Variants in PCGF6 observed in about 807,000 individuals in gnomAD.
PCGF6 encodes polycomb group ring finger 6.
Under a neutral mutation model 45.5 loss-of-function variants are expected in PCGF6, and 24 were observed. The ratio of observed to expected loss-of-function variants is 0.53; its 90% confidence interval spans 0.38 to 0.74. The LOEUF is 0.74. Among genes scored for constraint, PCGF6 ranks in the 30% least tolerant of loss-of-function variants. The probability of loss-of-function intolerance (pLI) is 0.00; values close to 1 mark genes in which losing one functional copy is unlikely to be tolerated. For synonymous variants in PCGF6, 152 were observed against 162.1 expected (o/e 0.94, Z 0.47); for missense variants, 356 against 443.2 (o/e 0.80, Z 1.77).
At chr10:103,344,927 G>C in intron 6 of PCGF6, 97 bp downstream of exon 6, 3 of 761,934 alleles carry the variant, frequency 3.9e-6, no homozygotes, top group Admixed American at 5.3e-5. Flanking sequence ...TTTCCAAGGG[G>C]ATGTCAGAAA....
intron 1 of PCGF6, among the ~76,000 whole-genome samples, chr10:103,349,425 G>A (rs930409658): frequency 3.3e-5 from 5 of 149,820 alleles, no homozygotes; most frequent in Non-Finnish European, 7.4e-5. Flanking sequence ...CCCATTAAAA[G>A]ACTACTGAAA....
At chr10:103,320,255 A>G (rs775008047) in intron 8 of PCGF6, among the ~76,000 whole-genome samples, 1 of 152,210 alleles carries the variant, frequency 6.6e-6, no homozygotes, top group Non-Finnish European at 1.5e-5. Context: ...CAAACAAAGC[A>G]AAATACAATA....
chr10:103,331,921 T>A (rs2093241378), intron 7 of PCGF6, among the ~76,000 whole-genome samples: 2 of 152,084 alleles, frequency 1.3e-5, no homozygotes, highest in African/African-American at 4.8e-5. Flanking sequence ...GCCTCCCGGG[T>A]AGCTGGGACA....
chr10:103,309,534 A>G (rs1388239077), intron 9 of PCGF6, among the ~76,000 whole-genome samples: 1 of 152,180 alleles, frequency 6.6e-6, no homozygotes, highest in Non-Finnish European at 1.5e-5. Context: ...GAGACAATTA[A>G]ATCTGTTTTA....
chr10:103,323,858 T>C (rs1278722630), intron 8 of PCGF6, among the ~76,000 whole-genome samples: 2 of 152,196 alleles, frequency 1.3e-5, no homozygotes, highest in African/African-American at 4.8e-5. Flanking sequence ...GTGCTGGGAT[T>C]ACAGGCATGA....
intron 7 of PCGF6, among the ~76,000 whole-genome samples, chr10:103,331,116 G>A (rs2093238675): frequency 6.6e-6 from 1 of 152,056 alleles, no homozygotes; most frequent in African/African-American, 2.4e-5. Flanking sequence ...TTAGCATCAT[G>A]TTTTCAATGT....
rs753776566 is a variant in PCGF6 at position 103,314,248 on chromosome 10, G to A, written c.934C>T (p.Leu312=). The change falls in exon 9 of 10, where the codon CTG becomes TTG. Residue 312 remains leucine, a synonymous_variant. Coordinates refer to ENST00000369847, the MANE Select transcript of PCGF6 (RefSeq NM_001011663.2). The stretch of plus-strand genomic sequence containing the variant: ...CTTAGAGTTTGATACTGCTCCAACA[G>A]GTGATCACCACAGATTATATCTACC... ...CQVDIICGDH[L]LEQYQTLREI... is the part of the protein sequence containing the mutation. The A allele has an allele frequency of 6.9e-6, 11 of 1,599,026 alleles. No homozygotes were observed. The Admixed American group carries it at 1.0e-4, about 15-fold the overall frequency.
In PCGF6 at chr10:103,333,909, A is replaced by G; in HGVS notation, c.810+16T>C. 1 of 1,555,436 alleles carries G rather than the reference A, an allele frequency of 6.4e-7. No homozygotes were observed. Among genetic ancestry groups the G allele is most frequent in the South Asian group, 1.2e-5 (1 of 80,522 alleles). ...AGAGTCCTCTTGTGAAATGAATGAA[A>G]AAAAAAGTAAAATACCTTAAAATGT... On this transcript the variant is annotated intron_variant, in intron 7 of 9. Transcript: ENST00000369847.
At position 103,348,978 on chromosome 10, in the gene PCGF6, G is replaced by A; in HGVS notation, c.382C>T (p.Leu128=). 2 of 1,613,132 alleles carry A rather than the reference G, an allele frequency of 1.2e-6. No individual in the cohort carries two copies. The highest frequency in any genetic ancestry group is 1.7e-6 in the Non-Finnish European group (2 of 1,179,532). ...ATGGAACACAAGATGTATGGGGTCA[G>A]CTCAGAGAGATTAATCAGGCGCTGC... is the stretch of plus-strand genomic sequence containing the variant. ...EEERLINLSE[L]TPYILCSICK... is the part of the protein sequence containing the mutation. Residue 128 remains leucine (L), a synonymous_variant, in exon 2 of 10, where the codon CTG becomes TTG. Transcript: ENST00000369847.
Position 103,348,729 on chromosome 10 carries a change from G to C in PCGF6, c.544C>G (p.Leu182Val). The C allele has an allele frequency of 6.3e-7, 1 of 1,574,962 alleles. No individual in the cohort carries two copies. Among genetic ancestry groups the C allele is most frequent in the Non-Finnish European group, 8.7e-7 (1 of 1,151,674 alleles). The change falls in exon 3 of 10, where the codon CTT becomes GTT. Residue 182 changes from leucine (L) to valine (V), a missense_variant. By Grantham distance (32) the Leu-to-Val change is conservative. This residue lies in a region of PCGF6 where 307 missense variants were observed against 350.1 expected (regional missense o/e 0.88). Coordinates refer to ENST00000369847, the MANE Select transcript of PCGF6 (RefSeq NM_001011663.2). Reference sequence around the variant, plus strand: ...TATTCTTCTTACCTTATGTTATAAAGAGGTTGTGTCTGATGTACTACTATA... The same window carrying C: ...TATTCTTCTTACCTTATGTTATAAACAGGTTGTGTCTGATGTACTACTATA... ...CNIVVHQTQP[L>V]YNIRLDRQLQ...
In PCGF6 at chr10:103,351,063, C is replaced by T. The variant is rs2093319914; in HGVS notation, c.4G>A (p.Glu2Lys). The T allele has an allele frequency of 7.2e-7, 1 of 1,389,592 alleles. No individual in the cohort carries two copies. Among genetic ancestry groups the T allele is most frequent in the East Asian group, 2.8e-5 (1 of 36,270 alleles). 86.1% of individuals were successfully genotyped at this position (1,389,592 alleles called of 1,614,324 possible). Residue 2 changes from glutamate to lysine, a missense_variant, in exon 1 of 10, where the codon GAG (glutamate) becomes AAG (lysine). By Grantham distance (56) the Glu-to-Lys change is moderately conservative (BLOSUM62 1). Coordinates refer to ENST00000369847, the MANE Select transcript of PCGF6 (RefSeq NM_001011663.2). ...CCCGCCGTCACCACCGCGACCCCCTCCATGGTCGGGAGAGACACCAGGCGA... is the reference window on the plus strand; with the variant it reads ...CCCGCCGTCACCACCGCGACCCCCTTCATGGTCGGGAGAGACACCAGGCGA... M[E>K]GVAVVTAGSV... is the part of the protein sequence containing the mutation.
At chr10:103,326,263 C>T (rs1248094942) in intron 8 of PCGF6, among the ~76,000 whole-genome samples, 2 of 151,720 alleles carry the variant, frequency 1.3e-5, no homozygotes, top group Non-Finnish European at 2.9e-5. Flanking sequence ...GTGGCAGGTG[C>T]CTGTAGTCCC....
chr10:103,310,523 A>C (rs1213807502), intron 9 of PCGF6, among the ~76,000 whole-genome samples: 7 of 152,142 alleles, frequency 4.6e-5, no homozygotes, highest in African/African-American at 1.7e-4. Flanking sequence ...GCATATGTGT[A>C]TATTTTCTGC....
intron 8 of PCGF6, among the ~76,000 whole-genome samples, chr10:103,323,791 G>C (rs1034019614): frequency 6.6e-6 from 1 of 151,466 alleles, no homozygotes; most frequent in Non-Finnish European, 1.5e-5. Flanking sequence ...CGCCACGTTG[G>C]CCAGACTGGT....
At chr10:103,326,664 G>C in intron 7 of PCGF6, 32 bp from the exon 8 acceptor site, 1 of 1,527,772 alleles carries the variant, frequency 6.5e-7, no homozygotes, top group East Asian at 2.3e-5. Context: ...ACTATTTTTA[G>C]GTTAAATATA....
chr10:103,340,417 T>C (rs573111408), intron 6 of PCGF6, among the ~76,000 whole-genome samples: 1 of 151,810 alleles, frequency 6.6e-6, no homozygotes, highest in Admixed American at 6.6e-5. Flanking sequence ...TCAAGTCTCA[T>C]CAGGAAAGCC....
In PCGF6 at chr10:103,302,982, A is replaced by C. The variant is rs2093124521; in HGVS notation, c.*923T>G. On this transcript the variant is annotated 3_prime_UTR_variant, in exon 10 of 10. Coordinates refer to ENST00000369847, the MANE Select transcript of PCGF6 (RefSeq NM_001011663.2). ...ATCACAATGCTAATTTTAGGCAAAT[A>C]ATGTTTTAAAACTGAAGTCTTTGCA... is the stretch of plus-strand genomic sequence containing the variant. 1.3e-5 allele frequency: 2 copies of C among 152,614 alleles called. No homozygotes were observed. The allele number at this position is 152,614 out of a possible 1,614,324, so 9.5% of individuals were successfully genotyped here.
intron 9 of PCGF6, among the ~76,000 whole-genome samples, chr10:103,305,879 C>G (rs2093136534): frequency 6.6e-6 from 1 of 150,892 alleles, no homozygotes; most frequent in Admixed American, 6.6e-5. Flanking sequence ...GAAACTCCCC[C>G]TCTCTACTTA....
chr10:103,341,467 T>A (rs1369797806), intron 6 of PCGF6, among the ~76,000 whole-genome samples: 1 of 151,900 alleles, frequency 6.6e-6, no homozygotes, highest in Non-Finnish European at 1.5e-5. Context: ...GAGACGGAGT[T>A]TGGCCCTTGT....
Sources: allele counts gnomAD v4.1 joint callset (sites outside exome capture counted in the v4.1 genomes callset), GRCh38; gene constraint gnomAD v4.1.1; regional missense constraint gnomAD v4.1.1; transcripts MANE v1.5; gene names NCBI Gene and HGNC (gene_info 2026-07-23, HGNC 2026-07-21).